The following SPAG16 variants were observed in gnomAD, a reference collection of about 807,000 sequenced individuals.
SPAG16 encodes the protein sperm-associated antigen 16 protein.
A neutral mutation model predicts 80.4 loss-of-function variants in SPAG16; 86 were observed. That is an observed-to-expected ratio of 1.07 (90% CI 0.90 to 1.28). The LOEUF (loss-of-function observed/expected upper bound fraction) is 1.28. SPAG16 is among the 50% of genes most tolerant of loss of function. The pLI, the probability that SPAG16 is intolerant of heterozygous loss-of-function variation, is 0.00. For missense variants in SPAG16, 870 were observed against 765.3 expected, an observed-to-expected ratio of 1.14 and a Z score of -1.61; for synonymous variants, 294 against 265.9, an observed-to-expected ratio of 1.11 and a Z score of -1.03.
In SPAG16 at chr2:214,346,207, C is replaced by T. The variant is rs570954116; in HGVS notation, c.1721-63933C>T. 4.6e-5 allele frequency among the ~76,000 whole-genome samples: 7 copies of T among 152,226 alleles called. No individual in the cohort carries two copies. In the South Asian group the frequency reaches 1.5e-3, roughly 32 times the overall value. On this transcript the variant is annotated intron_variant, in intron 15 of 15. Coordinates refer to ENST00000331683, the MANE Select transcript of SPAG16 (RefSeq NM_024532.5). ...TTTTGTCAGTCTTGTAAATTCTAAC[C>T]CTTCCAGGGAGCGTGTTGTAGCATT...
At chr2:214,033,058 G>T (rs1026444377) in intron 13 of SPAG16, among the ~76,000 whole-genome samples, 6 of 152,134 alleles carry the variant, frequency 3.9e-5, no homozygotes, top group African/African-American at 1.4e-4. Flanking sequence ...GTCAGAAAAT[G>T]TTTATCGTTT....
Position 213,930,007 on chromosome 2 carries a change from G to T in SPAG16, c.1262G>T (p.Trp421Leu). The T allele has an allele frequency of 6.2e-7, 1 of 1,613,790 alleles. No individual in the cohort carries two copies. Among genetic ancestry groups the T allele is most frequent in the South Asian group, 1.1e-5 (1 of 90,998 alleles). The change falls in exon 12 of 16, where the codon TGG becomes TTG. Residue 421 changes from tryptophan to leucine, a missense_variant. Trp to Leu is a moderately conservative substitution (Grantham distance 61). Coordinates refer to ENST00000331683, the MANE Select transcript of SPAG16 (RefSeq NM_024532.5). The stretch of plus-strand genomic sequence containing the variant: ...AGTGGTGACACTACAGTTAAATTAT[G>T]GGATCTATGTAAAGGCGATTGCATT... ...TSSGDTTVKLWDLCKGDCILT... is the reference protein window; with the variant it reads ...TSSGDTTVKLLDLCKGDCILT...
intron 15 of SPAG16, among the ~76,000 whole-genome samples, chr2:214,384,318 T>C (rs1700627483): frequency 6.6e-6 from 1 of 152,250 alleles, no homozygotes; most frequent in African/African-American, 2.4e-5. Flanking sequence ...ACTTAAATAC[T>C]GTTGGTACTT....
chr2:213,754,783 T>TAAA (rs2068244299), intron 10 of SPAG16, among the ~76,000 whole-genome samples: 1 of 152,198 alleles, frequency 6.6e-6, no homozygotes, highest in Non-Finnish European at 1.5e-5. Flanking sequence ...TCATCTGGTG[T>TAAA]GTGCTCAGCT....
intron 13 of SPAG16, among the ~76,000 whole-genome samples, chr2:214,023,611 A>G (rs924517285): frequency 5.9e-5 from 9 of 151,836 alleles, no homozygotes; most frequent in Non-Finnish European, 1.3e-4. Context: ...ATTAAAACTA[A>G]GTATTTTTAA....
chr2:213,699,756 C>T (rs752279542), intron 10 of SPAG16, among the ~76,000 whole-genome samples: 4 of 152,158 alleles, frequency 2.6e-5, no homozygotes, highest in Non-Finnish European at 5.9e-5. Flanking sequence ...TAAATCTGGG[C>T]CACTGTGTCC....
Position 213,571,920 on chromosome 2 carries a change from G to T in SPAG16, c.1070+81830G>T, listed in dbSNP as rs1056920437. On this transcript the variant is annotated intron_variant, in intron 10 of 15. Coordinates refer to ENST00000331683, the MANE Select transcript of SPAG16 (RefSeq NM_024532.5). ...CTTTTCACATAGTCCCATAGTTCTT[G>T]GAGGCTTTGCTCATTTCTTTTTATT... Among the ~76,000 whole-genome samples the T allele has an allele frequency of 1.2e-4, 17 of 138,682 alleles. No individual in the cohort carries two copies. In the East Asian group the frequency reaches 3.4e-3, roughly 28 times the overall value. 91.0% of individuals were successfully genotyped at this position (138,682 alleles called of 152,430 possible).
chr2:213,284,481 G>C lies in SPAG16; in HGVS notation c.-3G>C, dbSNP rs368632651. The C allele has an allele frequency of 3.8e-6, 6 of 1,564,308 alleles. No homozygotes were observed. On this transcript the variant is annotated 5_prime_UTR_variant, in exon 1 of 16. Transcript: ENST00000331683. ...CTGGGGGTGGGGGCCCGAAGCGCCA[G>C]AGATGGCTGCTCAGCGAGGGATGCC...
intron 15 of SPAG16, among the ~76,000 whole-genome samples, chr2:214,178,383 A>G (rs1462030553): frequency 6.6e-6 from 1 of 151,156 alleles, no homozygotes; most frequent in Admixed American, 6.6e-5. Context: ...CATATATAAA[A>G]TTAGAAACAG....
At chr2:213,473,764 A>C (rs1014997606) in intron 9 of SPAG16, among the ~76,000 whole-genome samples, 1 of 152,154 alleles carries the variant, frequency 6.6e-6, no homozygotes, top group African/African-American at 2.4e-5. Flanking sequence ...CTTAATATCC[A>C]TTCCCATGCC....
chr2:213,769,241 C>T (rs1044091200), intron 10 of SPAG16, among the ~76,000 whole-genome samples: 1 of 152,100 alleles, frequency 6.6e-6, no homozygotes, highest in Non-Finnish European at 1.5e-5. Flanking sequence ...ATTACCAATT[C>T]TATCTTGAGG....
At position 214,203,299 on chromosome 2, in the gene SPAG16, G is replaced by A. The variant is rs181412002; in HGVS notation, c.1720+54033G>A. 1.7e-4 allele frequency among the ~76,000 whole-genome samples: 26 copies of A among 152,192 alleles called. No individual in the cohort carries two copies. The East Asian group carries it at 4.6e-3, about 27-fold the overall frequency. ...TCTTTAAAGCATTTAAGTTGAAGGG[G>A]GGAAATGGCAGATAGGAGGCAGGAC... On this transcript the variant is annotated intron_variant, in intron 15 of 15. Transcript: ENST00000331683.
At chr2:214,144,061 C>T (rs1446007424) in intron 14 of SPAG16, among the ~76,000 whole-genome samples, 1 of 151,948 alleles carries the variant, frequency 6.6e-6, no homozygotes, top group Non-Finnish European at 1.5e-5. Context: ...GGGAGGCTGA[C>T]GTGGAAGGAT....
chr2:213,937,090 A>G (rs897913598), intron 12 of SPAG16, among the ~76,000 whole-genome samples: 1 of 152,186 alleles, frequency 6.6e-6, no homozygotes, highest in African/African-American at 2.4e-5. Context: ...AAATTTTCTT[A>G]TTACAAAACC....
chr2:213,541,442 A>G (rs2125916983), intron 10 of SPAG16, among the ~76,000 whole-genome samples: 1 of 152,148 alleles, frequency 6.6e-6, no homozygotes, highest in African/African-American at 2.4e-5. Context: ...AACATGGTGA[A>G]ATCTCTTCTC....
At chr2:214,364,746 AG>A (rs1293664935) in intron 15 of SPAG16, among the ~76,000 whole-genome samples, 1 of 152,196 alleles carries the variant, frequency 6.6e-6, no homozygotes, top group Non-Finnish European at 1.5e-5. Flanking sequence ...GACACTTTGG[AG>A]GAAGAATTCA....
intron 15 of SPAG16, among the ~76,000 whole-genome samples, chr2:214,358,089 A>G (rs1177447359): frequency 1.3e-5 from 2 of 151,872 alleles, no homozygotes; most frequent in African/African-American, 2.4e-5. Flanking sequence ...AATTTACTCA[A>G]TGTTGGCGTC....
At position 213,475,021 on chromosome 2, in the gene SPAG16, A is replaced by G. The variant is rs747080766; in HGVS notation, c.943-14942A>G. Among the ~76,000 whole-genome samples the G allele has an allele frequency of 2.2e-4, 33 of 152,080 alleles. 1 individual carries two copies. The highest frequency in any genetic ancestry group is 4.4e-5 in the Non-Finnish European group (3 of 68,004). Reference sequence around the variant, plus strand: ...CTCCAATGGTACTGCTGTTTTTCCAATTGTATAAAGCTCTTCCCCTTGCTT... The same window carrying G: ...CTCCAATGGTACTGCTGTTTTTCCAGTTGTATAAAGCTCTTCCCCTTGCTT... On this transcript the variant is annotated intron_variant, in intron 9 of 15. Coordinates refer to ENST00000331683, the MANE Select transcript of SPAG16 (RefSeq NM_024532.5).
At chr2:213,939,836 A>G (rs1049546860) in intron 12 of SPAG16, among the ~76,000 whole-genome samples, 2 of 152,200 alleles carry the variant, frequency 1.3e-5, no homozygotes, top group Non-Finnish European at 2.9e-5. Context: ...TAATATACAA[A>G]GATGTGCTGT....
Sources: gnomAD v4.1 joint callset for allele counts (sites outside exome capture counted in the v4.1 genomes callset) on GRCh38, gnomAD v4.1.1 for gene constraint, MANE v1.5 for transcripts, NCBI Gene and HGNC (gene_info 2026-07-23, HGNC 2026-07-21) for gene names.